Variants in CNBD1 observed in about 807,000 individuals in gnomAD.
CNBD1 encodes the protein cyclic nucleotide binding domain containing 1, also known as cyclic nucleotide-binding domain-containing protein 1.
In CNBD1, 71 loss-of-function variants were observed where a neutral mutation model predicts 54.4. The ratio of observed to expected loss-of-function variants is 1.30; its 90% confidence interval spans 1.08 to 1.59. CNBD1 has a LOEUF of 1.59. CNBD1 is among the 40% of genes most tolerant of loss of function. CNBD1 has a pLI of 0.00. For synonymous variants in CNBD1, 182 were observed against 170.7 expected (o/e 1.07, Z -0.51); for missense variants, 659 against 518.0 (o/e 1.27, Z -2.64).
At chr8:87,414,453 C>T (rs890410992) in intron 2 of CNBD1, among the ~76,000 whole-genome samples, 1 of 152,036 alleles carries the variant, frequency 6.6e-6, no homozygotes, top group Admixed American at 6.6e-5. Context: ...AGCACACCAA[C>T]ATGGCACATG....
chr8:87,200,499 A>G (rs1246421216), intron 4 of CNBD1, among the ~76,000 whole-genome samples: 2 of 152,108 alleles, frequency 1.3e-5, no homozygotes, highest in African/African-American at 2.4e-5. Flanking sequence ...GATCAACAAA[A>G]TAGAAAAATT....
chr8:87,185,437 G>C (rs913805892), intron 4 of CNBD1, among the ~76,000 whole-genome samples: 1 of 152,236 alleles, frequency 6.6e-6, no homozygotes, highest in East Asian at 1.9e-4. Context: ...ATCATACATA[G>C]TGTGAACTTT....
chr8:87,382,896 G>A (rs192128189), downstream of CNBD1: 12 of 334,734 alleles, frequency 3.6e-5, no homozygotes, highest in South Asian at 9.2e-5. Context: ...CAAGTGTTTC[G>A]GTATACATGT....
intron 4 of CNBD1, among the ~76,000 whole-genome samples, chr8:86,946,535 G>C (rs769037205): frequency 6.6e-6 from 1 of 151,966 alleles, no homozygotes; most frequent in Non-Finnish European, 1.5e-5. Flanking sequence ...CTTGTTTTCG[G>C]TGACATAGTT....
At chr8:87,197,156 T>C (rs1813739610) in intron 4 of CNBD1, among the ~76,000 whole-genome samples, 1 of 152,222 alleles carries the variant, frequency 6.6e-6, no homozygotes, top group African/African-American at 2.4e-5. Flanking sequence ...GACTGCAGTT[T>C]ATGAAACACC....
intron 10 of CNBD1, among the ~76,000 whole-genome samples, chr8:87,378,736 A>C (rs1354321729): frequency 1.3e-5 from 2 of 151,162 alleles, no homozygotes; most frequent in Admixed American, 1.3e-4. Flanking sequence ...TCTGTAAATT[A>C]CCTTGGGCAG....
intron 2 of CNBD1, among the ~76,000 whole-genome samples, chr8:87,396,093 C>A (rs1029419264): frequency 4.6e-5 from 7 of 151,838 alleles, no homozygotes; most frequent in Admixed American, 4.6e-4. Flanking sequence ...ATGACTAATA[C>A]AACAGATAAA....
At chr8:87,168,773 T>C (rs1586303312) in intron 4 of CNBD1, among the ~76,000 whole-genome samples, 1 of 152,104 alleles carries the variant, frequency 6.6e-6, no homozygotes, top group African/African-American at 2.4e-5. Context: ...TCATTCTTCT[T>C]TTATGGATGA....
intron 5 of CNBD1, among the ~76,000 whole-genome samples, chr8:87,216,738 T>C (rs553260861): frequency 2.6e-4 from 39 of 152,290 alleles, no homozygotes; most frequent in Non-Finnish European, 4.9e-4. Context: ...AGCCAACCTT[T>C]AGCTTTGTTT....
At chr8:87,178,230 G>C (rs1813239703) in intron 4 of CNBD1, among the ~76,000 whole-genome samples, 1 of 152,138 alleles carries the variant, frequency 6.6e-6, no homozygotes, top group African/African-American at 2.4e-5. Flanking sequence ...GTAATGTATT[G>C]GAACATGATT....
intron 4 of CNBD1, among the ~76,000 whole-genome samples, chr8:87,083,533 A>G (rs1811037638): frequency 6.8e-6 from 1 of 147,786 alleles, no homozygotes. Flanking sequence ...TATAGCCTGG[A>G]CTCCCCACCC....
Position 86,905,105 on chromosome 8 carries a change from A to G in CNBD1, c.183A>G (p.Ser61=). ...QHSRSMSNIL[S]AHDTFMKQYP... ...GCCGGAGTATGAGCAATATCTTATC[A>G]GCTCACGATACATTTATGAAGCAAT... The change falls in exon 3 of 11, where the codon TCA becomes TCG. Residue 61 remains serine, a synonymous_variant. Transcript: ENST00000518476. 5 of 1,609,728 alleles carry G rather than the reference A, an allele frequency of 3.1e-6. No individual in the cohort carries two copies. The highest frequency in any genetic ancestry group is 4.2e-6 in the Non-Finnish European group (5 of 1,176,926).
intron 4 of CNBD1, among the ~76,000 whole-genome samples, chr8:87,023,752 C>G (rs1429952385): frequency 1.3e-5 from 2 of 152,168 alleles, no homozygotes; most frequent in South Asian, 4.1e-4. Context: ...GTTAGTGTGG[C>G]TGGATGTCTT....
chr8:87,355,964 C>T (rs1244890468), intron 10 of CNBD1, among the ~76,000 whole-genome samples: 1 of 151,996 alleles, frequency 6.6e-6, no homozygotes, highest in Admixed American at 6.6e-5. Context: ...AAAGAGCTGG[C>T]TCTTTAAAAG....
chr8:87,150,199 C>A (rs940745890), intron 4 of CNBD1, among the ~76,000 whole-genome samples: 1 of 151,616 alleles, frequency 6.6e-6, no homozygotes, highest in Non-Finnish European at 1.5e-5. Context: ...AAAACAAAAA[C>A]AAAAATCAGG....
At chr8:86,920,995 A>G (rs1338273358) in intron 3 of CNBD1, among the ~76,000 whole-genome samples, 1 of 152,160 alleles carries the variant, frequency 6.6e-6, no homozygotes, top group Non-Finnish European at 1.5e-5. Flanking sequence ...AAAAGTAAAG[A>G]TGAATATTTG....
At chr8:87,398,130 C>G (rs1358709107) in intron 2 of CNBD1, among the ~76,000 whole-genome samples, 1 of 147,196 alleles carries the variant, frequency 6.8e-6, no homozygotes, top group African/African-American at 2.6e-5. Context: ...ATAATATGGC[C>G]TGGATTATAC....
chr8:87,236,687 A>G (rs2130825562), intron 5 of CNBD1, among the ~76,000 whole-genome samples: 1 of 152,228 alleles, frequency 6.6e-6, no homozygotes, highest in African/African-American at 2.4e-5. Flanking sequence ...GTGAGAGGAT[A>G]GCTACTATAT....
chr8:87,303,821 G>T (rs1157346473), intron 8 of CNBD1, among the ~76,000 whole-genome samples: 2 of 151,712 alleles, frequency 1.3e-5, no homozygotes, highest in Non-Finnish European at 2.9e-5. Flanking sequence ...TCAACAAGTG[G>T]GCGAAGGATA....
Sources: gnomAD v4.1 joint callset for allele counts (sites outside exome capture counted in the v4.1 genomes callset) on GRCh38, gnomAD v4.1.1 for gene constraint, MANE v1.5 for transcripts, NCBI Gene and HGNC (gene_info 2026-07-23, HGNC 2026-07-21) for gene names.